PGF: variants seen among roughly 807,000 people sequenced by gnomAD.
PGF encodes placenta growth factor.
In PGF, 11 loss-of-function variants were observed where a neutral mutation model predicts 25.3. That is an observed-to-expected ratio of 0.43 (90% CI 0.27 to 0.72). The LOEUF is 0.72. Among genes scored for constraint, PGF ranks in the 30% least tolerant of loss-of-function variants. The pLI, the probability that PGF is intolerant of heterozygous loss-of-function variation, is 0.18. For synonymous variants in PGF, 105 were observed against 97.9 expected, an observed-to-expected ratio of 1.07 and a Z score of -0.43; for missense variants, 230 against 234.9, an observed-to-expected ratio of 0.98 and a Z score of 0.14.
intron 6 of PGF, among the ~76,000 whole-genome samples, chr14:74,943,551 G>C (rs1035152127): frequency 6.6e-6 from 1 of 152,236 alleles, no homozygotes; most frequent in Non-Finnish European, 1.5e-5. Flanking sequence ...AAGTAATTGA[G>C]TGACATCTAG....
chr14:74,943,201 T>C (rs1888644404), intron 6 of PGF, among the ~76,000 whole-genome samples: 1 of 152,174 alleles, frequency 6.6e-6, no homozygotes, highest in African/African-American at 2.4e-5. Context: ...TTTAAAGAAA[T>C]CCATTTTCAG....
chr14:74,945,799 C>T (rs537288366), intron 6 of PGF: 242 of 175,092 alleles, frequency 1.4e-3, no homozygotes, highest in African/African-American at 5.5e-3. Context: ...CCCCAGATAA[C>T]GTCTCAGCTG....
In PGF at chr14:74,955,411, A is replaced by G. The variant is rs1006475985; in HGVS notation, c.-169T>C. 7.3e-6 allele frequency: 3 copies of G among 412,924 alleles called. No individual in the cohort carries two copies. The highest frequency in any genetic ancestry group is 1.3e-5 in the Non-Finnish European group (3 of 231,496). The allele number at this position is 412,924 out of a possible 1,614,324, so 25.6% of individuals were successfully genotyped here. ...CGAGCATCTTCTGGAAGCCTTGCGG[A>G]GTCAGGAGCCCGTAGGTAAGGCTGT... is the stretch of plus-strand genomic sequence containing the variant. On this transcript the variant is annotated 5_prime_UTR_variant, in exon 1 of 7. Coordinates refer to ENST00000555567, the MANE Select transcript of PGF (RefSeq NM_002632.6). The surrounding 1 kb of genome is among the most constrained non-coding windows in gnomAD (Gnocchi z 4.1).
rs1173088985 is a variant in PGF at position 74,955,346 on chromosome 14, C to T, written c.-104G>A. 1.2e-5 allele frequency: 7 copies of T among 575,832 alleles called. No individual in the cohort carries two copies. Among genetic ancestry groups the T allele is most frequent in the Non-Finnish European group, 1.9e-5 (7 of 362,636 alleles). 35.7% of individuals were successfully genotyped at this position (575,832 alleles called of 1,614,324 possible). ...GAGAAGAGCTGAGTGGGGGGCTGGA[C>T]GCCTCCCTCACTGCTGCCCCGAGGC... On this transcript the variant is annotated 5_prime_UTR_variant, in exon 1 of 7. Coordinates refer to ENST00000555567, the MANE Select transcript of PGF (RefSeq NM_002632.6). The surrounding 1 kb of genome is among the most constrained non-coding windows in gnomAD (Gnocchi z 4.1).
intron 3 of PGF, among the ~76,000 whole-genome samples, 186 bp downstream of exon 3, chr14:74,949,171 G>T (rs1030186192): frequency 3.7e-4 from 56 of 152,192 alleles, no homozygotes; most frequent in African/African-American, 1.2e-3. Flanking sequence ...GAATGCTGGT[G>T]GGGGTGGAGA....
At chr14:74,942,797 T>C in intron 6 of PGF, 64 bp from the exon 7 acceptor site, 1 of 1,476,190 alleles carries the variant, frequency 6.8e-7, no homozygotes, top group South Asian at 1.2e-5. Flanking sequence ...GGTCTCCTCC[T>C]ATGGAGGAGG....
At chr14:74,948,665 AACCC>A in intron 3 of PGF, 82 bp from the exon 4 acceptor site, 2 of 851,624 alleles carry the variant, frequency 2.3e-6, no homozygotes, top group Non-Finnish European at 3.8e-6. Context: ...TTGTAAGGAG[AACCC>A]GACTCTGTTT....
rs1389751346 is a variant in PGF at position 74,950,701 on chromosome 14, TG to T, written c.119-1149del. 6.6e-6 allele frequency among the ~76,000 whole-genome samples: 1 copy of T among 151,894 alleles called. No homozygotes were observed. Among genetic ancestry groups the T allele is most frequent in the Non-Finnish European group, 1.5e-5 (1 of 67,950 alleles). ...TTCTGGATAGATCAGTTTCCTCAGG[TG>T]GGAAAAAAGAAGGTTGGGAATAAAT... On this transcript the variant is annotated intron_variant, in intron 2 of 6. Coordinates refer to ENST00000555567, the MANE Select transcript of PGF (RefSeq NM_002632.6). This position sits in a 1 kb window ranked among gnomAD's most constrained non-coding sequence, Gnocchi z 4.1.
intron 4 of PGF, chr14:74,948,244 C>A: frequency 2.7e-6 from 1 of 372,770 alleles, no homozygotes; most frequent in Non-Finnish European, 4.8e-6. Context: ...GGGAGGGACC[C>A]ACCCTCTCTC....
chr14:74,943,691 T>C (rs1377799112), intron 6 of PGF, among the ~76,000 whole-genome samples: 2 of 152,254 alleles, frequency 1.3e-5, no homozygotes, highest in African/African-American at 4.8e-5. Context: ...AATGGATTCA[T>C]TCACTAATTG....
At chr14:74,952,366 C>T (rs1246358955) in intron 2 of PGF, among the ~76,000 whole-genome samples, 1 of 152,196 alleles carries the variant, frequency 6.6e-6, no homozygotes, top group African/African-American at 2.4e-5. Context: ...CGCTCAGCCA[C>T]GGAGCTATTG....
At chr14:74,949,078 A>G (rs985136533) in intron 3 of PGF, among the ~76,000 whole-genome samples, 4 of 152,224 alleles carry the variant, frequency 2.6e-5, no homozygotes, top group African/African-American at 9.6e-5. Context: ...TCCTGGTGTC[A>G]ACAGGGACTT....
chr14:74,948,527 C>T lies in PGF; in HGVS notation c.372G>A (p.Gln124=). 15 of 1,600,366 alleles carry T rather than the reference C, an allele frequency of 9.4e-6. No individual in the cohort carries two copies. Among genetic ancestry groups the T allele is most frequent in the African/African-American group, 1.3e-5 (1 of 74,746 alleles). ...RPSYVELTFS[Q]HVRCECRPLR... ...CCTACCGGCATTCGCAGCGAACGTG[C>T]TGAGAGAACGTCAGCTCCACGTAGG... Residue 124 remains glutamine (Q), a synonymous_variant, in exon 4 of 7, where the codon CAG becomes CAA. Transcript: ENST00000555567.
intron 4 of PGF, chr14:74,946,661 T>TCTGCA: frequency 1.5e-6 from 1 of 654,780 alleles, no homozygotes. Flanking sequence ...GCCACCCGCT[T>TCTGCA]CTGCACTTCT....
chr14:74,954,125 T>C lies in PGF; in HGVS notation c.76-179A>G, dbSNP rs1888931571. The C allele has an allele frequency of 4.8e-6, 3 of 621,434 alleles. No homozygotes were observed. In the South Asian group the frequency reaches 5.6e-5, roughly 12 times the overall value. 38.5% of individuals were successfully genotyped at this position (621,434 alleles called of 1,614,324 possible). A position where few individuals can be genotyped will look rare whatever the true frequency, so the allele number is the denominator to read the frequency against. On this transcript the variant is annotated intron_variant, in intron 1 of 6. Coordinates refer to ENST00000555567, the MANE Select transcript of PGF (RefSeq NM_002632.6). The stretch of plus-strand genomic sequence containing the variant: ...AAAAACTCACTGGACCCTGGGTAGG[T>C]TAGGTCCCACCCCTCTCTGGCCTCA...
intron 1 of PGF, among the ~76,000 whole-genome samples, chr14:74,954,598 G>C (rs1888942754): frequency 6.6e-6 from 1 of 152,072 alleles, no homozygotes; most frequent in Non-Finnish European, 1.5e-5. Context: ...TGGGAAAAGG[G>C]CCCTGCTCAC....
In PGF at chr14:74,950,163, C is replaced by CAGCT. The variant is rs140927248; in HGVS notation, c.119-614_119-611dup. Among the ~76,000 whole-genome samples, 654 of 152,316 alleles carry CAGCT rather than the reference C, an allele frequency of 4.3e-3. 4 individuals carry two copies. The highest frequency in any genetic ancestry group is 0.015 in the African/African-American group (618 of 41,554). The stretch of plus-strand genomic sequence containing the variant: ...TGGCTTGTGCACTCTGCAGCCCGTA[C>CAGCT]AGCTGCTCTTCTTCCCCCTCCTCTC... On this transcript the variant is annotated intron_variant, in intron 2 of 6. Transcript: ENST00000555567. This position sits in a 1 kb window ranked among gnomAD's most constrained non-coding sequence, Gnocchi z 4.1.
chr14:74,948,272 AACAGCTGTACC>A (rs1186872090), intron 4 of PGF: 5 of 426,306 alleles, frequency 1.2e-5, no homozygotes, highest in Admixed American at 8.3e-5. Context: ...GCAGTATCTC[AACAGCTGTACC>A]CCAGCTGCTG....
At chr14:74,946,069 G>A in intron 6 of PGF, 144 bp downstream of exon 6, 1 of 689,218 alleles carries the variant, frequency 1.5e-6, no homozygotes, top group Non-Finnish European at 2.5e-6. Context: ...GGGCCCTAGA[G>A]TCTTGAGGAG....
Sources: gnomAD v4.1 joint callset for allele counts (sites outside exome capture counted in the v4.1 genomes callset) on GRCh38, gnomAD v4.1.1 for gene constraint, Gnocchi (gnomAD v3.1) non-coding constraint, MANE v1.5 for transcripts, NCBI Gene and HGNC (gene_info 2026-07-23, HGNC 2026-07-21) for gene names.